The following FCER1A variants were observed in gnomAD, a reference collection of about 807,000 sequenced individuals.
FCER1A encodes the protein Fc epsilon receptor Ia, also known as high affinity immunoglobulin epsilon receptor subunit alpha.
FCER1A carries 24 observed loss-of-function variants against 23.6 expected under a neutral mutation model. The observed-to-expected ratio is 1.02, with a 90% CI of 0.74 to 1.43. The LOEUF (loss-of-function observed/expected upper bound fraction) is 1.43, where lower values mean the gene tolerates loss of function less well. Among genes scored for constraint, FCER1A ranks in the 40% most tolerant of loss-of-function variants. The pLI is 0.00. For synonymous variants in FCER1A, 121 were observed against 108.8 expected, an observed-to-expected ratio of 1.11 and a Z score of -0.70; for missense variants, 318 against 294.5, an observed-to-expected ratio of 1.08 and a Z score of -0.58.
intron 4 of FCER1A, among the ~76,000 whole-genome samples, 161 bp downstream of exon 4, chr1:159,306,406 T>A (rs1652618068): frequency 6.6e-6 from 1 of 152,176 alleles, no homozygotes; most frequent in African/African-American, 2.4e-5. Context: ...TATATCTCAA[T>A]CTCTGTTTCA....
upstream of FCER1A, among the ~76,000 whole-genome samples, chr1:159,289,122 A>G (rs1446325881): frequency 6.6e-6 from 1 of 152,148 alleles, no homozygotes; most frequent in Non-Finnish European, 1.5e-5. Context: ...TTCTGCTTCC[A>G]ACTCCTTTCT....
intron 1 of FCER1A, among the ~76,000 whole-genome samples, chr1:159,290,013 C>A (rs913739290): frequency 6.6e-6 from 1 of 152,190 alleles, no homozygotes; most frequent in Non-Finnish European, 1.5e-5. Context: ...TAGCATTATT[C>A]ATTGTTCTTT....
rs751533005 is a variant in FCER1A at position 159,304,159 on chromosome 1, C to T, written c.308C>T (p.Pro103Leu). Reference sequence around the variant, plus strand: ...CACCAACAAGTTAATGAGAGTGAACCTGTGTACCTGGAAGTCTTCAGTGGT... The same window carrying T: ...CACCAACAAGTTAATGAGAGTGAACTTGTGTACCTGGAAGTCTTCAGTGGT... ...CQHQQVNESE[P>L]VYLEVFSDWL... Residue 103 changes from proline (P) to leucine (L), a missense_variant, in exon 3 of 5, where the codon CCT becomes CTT. Pro to Leu is a moderately conservative substitution (Grantham distance 98). Transcript: ENST00000693622. 1 of 1,613,708 alleles carries T rather than the reference C, an allele frequency of 6.2e-7. No homozygotes were observed. Among genetic ancestry groups the T allele is most frequent in the South Asian group, 1.1e-5 (1 of 91,062 alleles).
At chr1:159,293,167 A>ACT (rs1478177936) in intron 1 of FCER1A, among the ~76,000 whole-genome samples, 14 of 128,524 alleles carry the variant, frequency 1.1e-4, no homozygotes, top group Non-Finnish European at 1.9e-4. Flanking sequence ...ATACATACAC[A>ACT]CTGTGTGTGT....
intron 4 of FCER1A, 54 bp downstream of exon 4, chr1:159,306,299 C>G: frequency 6.4e-7 from 1 of 1,571,624 alleles, no homozygotes; most frequent in Non-Finnish European, 8.7e-7. Flanking sequence ...GAAGAGAGAA[C>G]TTCTGAGCCT....
Position 159,307,883 on chromosome 1 carries a change from G to A in FCER1A, c.725G>A (p.Gly242Asp), listed in dbSNP as rs201635034. The change falls in exon 5 of 5, where the codon GGC becomes GAC. Residue 242 changes from glycine to aspartate, a missense_variant. Transcript: ENST00000693622. ...TTGAAGATTAAGAGAACCAGGAAAGGCTTCAGACTTCTGAACCCACATCCT... is the reference window on the plus strand; with the variant it reads ...TTGAAGATTAAGAGAACCAGGAAAGACTTCAGACTTCTGAACCCACATCCT... ...FLLKIKRTRK[G>D]FRLLNPHPKP... 6.2e-7 allele frequency: 1 copy of A among 1,613,014 alleles called. No homozygotes were observed. The highest frequency in any genetic ancestry group is 1.3e-5 in the African/African-American group (1 of 74,906).
At chr1:159,285,224 A>G (rs1651986204), upstream of FCER1A, among the ~76,000 whole-genome samples, 1 of 152,202 alleles carries the variant, frequency 6.6e-6, no homozygotes, top group Non-Finnish European at 1.5e-5. Context: ...TGGAAAAAAT[A>G]AAAAATGTCT....
upstream of FCER1A, among the ~76,000 whole-genome samples, chr1:159,289,053 C>T (rs1652084164): frequency 1.3e-5 from 2 of 152,112 alleles, no homozygotes; most frequent in Non-Finnish European, 2.9e-5. Flanking sequence ...ACATGTCTTC[C>T]CCAAGTCACT....
In FCER1A at chr1:159,305,849, A is replaced by G. The variant is rs1320327909; in HGVS notation, c.332-139A>G. 9 of 733,952 alleles carry G rather than the reference A, an allele frequency of 1.2e-5. No individual in the cohort carries two copies. The East Asian group carries it at 2.2e-4, about 18-fold the overall frequency. The allele number at this position is 733,952 out of a possible 1,614,324, so 45.5% of individuals were successfully genotyped here. On this transcript the variant is annotated intron_variant, in intron 3 of 4. Transcript: ENST00000693622. ...AAGCATTATTTTGTGCCCTTTAAAAATCCACTTTATGAGCCAAAAAGTGAG... is the reference window on the plus strand; with the variant it reads ...AAGCATTATTTTGTGCCCTTTAAAAGTCCACTTTATGAGCCAAAAAGTGAG...
upstream of FCER1A, among the ~76,000 whole-genome samples, chr1:159,286,961 A>C (rs1038882437): frequency 2.6e-5 from 4 of 152,226 alleles, no homozygotes; most frequent in Non-Finnish European, 5.9e-5. Flanking sequence ...CAAATTTATA[A>C]GTGATTTCCT....
chr1:159,291,460 GT>G (rs1408131556), intron 1 of FCER1A, among the ~76,000 whole-genome samples: 2 of 152,034 alleles, frequency 1.3e-5, no homozygotes, highest in African/African-American at 4.8e-5. Flanking sequence ...GTTAGTTTTA[GT>G]TATTTTTGCA....
chr1:159,284,080 C>T, the FCER1A span, among the ~76,000 whole-genome samples: 1 of 152,082 alleles, frequency 6.6e-6, no homozygotes, highest in African/African-American at 2.4e-5. Context: ...AAAGGGAGGA[C>T]CTTAAATTTA....
chr1:159,297,110 C>A (rs1285666073), intron 1 of FCER1A, among the ~76,000 whole-genome samples: 3 of 152,164 alleles, frequency 2.0e-5, no homozygotes, highest in Admixed American at 6.5e-5. Context: ...TGTAAGGAAG[C>A]ATAAAATAAA....
rs373904317 is a variant in FCER1A at position 159,307,751 on chromosome 1, C to T, written c.593C>T (p.Pro198Leu). ...TTGCATCTGTGTTCCACTACAGCTCCGCGTGAGAAGTACTGGCTACAATTT... is the reference window on the plus strand; with the variant it reads ...TTGCATCTGTGTTCCACTACAGCTCTGCGTGAGAAGTACTGGCTACAATTT... ...EPLNITVIKA[P>L]REKYWLQFFI... The change falls in exon 5 of 5, where the codon CCG becomes CTG. Residue 198 changes from proline (P) to leucine (L), a missense_variant. Pro to Leu is a moderately conservative substitution (Grantham distance 98, BLOSUM62 -3). Transcript: ENST00000693622. The T allele has an allele frequency of 1.9e-5, 30 of 1,596,724 alleles. No individual in the cohort carries two copies. The highest frequency in any genetic ancestry group is 3.4e-5 in the South Asian group (3 of 89,324).
At chr1:159,290,281 T>G (rs1414426465) in intron 1 of FCER1A, among the ~76,000 whole-genome samples, 1 of 152,140 alleles carries the variant, frequency 6.6e-6, no homozygotes, top group Non-Finnish European at 1.5e-5. Context: ...CTTTCCTTTA[T>G]GCCCACCTAA....
chr1:159,301,382 A>G (rs1652425261), upstream of FCER1A, among the ~76,000 whole-genome samples: 1 of 152,180 alleles, frequency 6.6e-6, no homozygotes, highest in Non-Finnish European at 1.5e-5. Context: ...AGAATTAGTA[A>G]AGGAATCCTG....
chr1:159,303,763 T>C (rs1254560788), intron 2 of FCER1A, among the ~76,000 whole-genome samples, 165 bp from the exon 3 acceptor site: 1 of 152,190 alleles, frequency 6.6e-6, no homozygotes, highest in Non-Finnish European at 1.5e-5. Flanking sequence ...CAATACTAAT[T>C]TCTCCTTCCC....
upstream of FCER1A, among the ~76,000 whole-genome samples, chr1:159,298,277 C>T (rs1048203644): frequency 4.6e-5 from 7 of 152,112 alleles, no homozygotes; most frequent in Non-Finnish European, 1.0e-4. Context: ...GATGTTTTCT[C>T]CCCTCCAAAT....
At chr1:159,287,394 A>C (rs376165582), upstream of FCER1A, among the ~76,000 whole-genome samples, 9 of 152,306 alleles carry the variant, frequency 5.9e-5, no homozygotes, top group East Asian at 1.5e-3. Flanking sequence ...TCTCTTTCCC[A>C]TACTTTACAT....
Sources: gnomAD v4.1 joint callset for allele counts (sites outside exome capture counted in the v4.1 genomes callset) on GRCh38, gnomAD v4.1.1 for gene constraint, MANE v1.5 for transcripts, NCBI Gene and HGNC (gene_info 2026-07-23, HGNC 2026-07-21) for gene names.